Variants in CYP11A1 observed in about 807,000 individuals in gnomAD.
CYP11A1 encodes cholesterol side-chain cleavage enzyme, mitochondrial.
Under a neutral mutation model 51.9 loss-of-function variants are expected in CYP11A1, and 25 were observed. The ratio of observed to expected loss-of-function variants is 0.48; its 90% CI spans 0.35 to 0.67. The LOEUF (loss-of-function observed/expected upper bound fraction) is 0.67, where lower values mean the gene tolerates loss of function less well. Among genes scored for constraint, CYP11A1 ranks in the 30% least tolerant of loss-of-function variants. The probability of loss-of-function intolerance (pLI) is 0.00; values close to 1 mark genes in which losing one functional copy is unlikely to be tolerated. For synonymous variants in CYP11A1, 245 were observed against 262.1 expected (o/e 0.93, Z 0.63); for missense variants, 578 against 680.9 (o/e 0.85, Z 1.68).
At chr15:74,344,130 AAATT>A (rs1567052853) in intron 3 of CYP11A1, 138 bp from the exon 4 acceptor site, 5 of 710,226 alleles carry the variant, frequency 7.0e-6, no homozygotes, top group Admixed American at 4.8e-5. Flanking sequence ...TTCAGTAAAT[AAATT>A]GAGGCCTGAG....
chr15:74,339,287 T>G lies in CYP11A1; in HGVS notation c.1186A>C (p.Arg396=), dbSNP rs2060594804. Reference sequence around the variant, plus strand: ...AGAACCAAGTCATTTACAAGATATCTCTGCAGGGTCACGGAGATGGGGTGA... The same window carrying G: ...AGAACCAAGTCATTTACAAGATATCGCTGCAGGGTCACGGAGATGGGGTGA... ...RLHPISVTLQ[R]YLVNDLVLRD... Residue 396 remains arginine (R), a synonymous_variant, in exon 7 of 9, where the codon AGA becomes CGA. Transcript: ENST00000268053. The G allele has an allele frequency of 1.2e-6, 2 of 1,614,070 alleles. No homozygotes were observed. Among genetic ancestry groups the G allele is most frequent in the South Asian group, 2.2e-5 (2 of 91,090 alleles).
chr15:74,366,310 TTCGC>T, intron 1 of CYP11A1: 2 of 929,296 alleles, frequency 2.2e-6, no homozygotes, highest in Non-Finnish European at 1.3e-6. Context: ...GAGACAGAGT[TTCGC>T]TTTTGTTGCC....
At chr15:74,339,116 A>T (rs760913148) in intron 7 of CYP11A1, 121 bp downstream of exon 7, 8 of 842,216 alleles carry the variant, frequency 9.5e-6, no homozygotes, top group Non-Finnish European at 1.6e-5. Flanking sequence ...CCCTTCATTC[A>T]GACTTAGACT....
chr15:74,347,367 C>A (rs1334272297), intron 2 of CYP11A1, among the ~76,000 whole-genome samples: 1 of 152,116 alleles, frequency 6.6e-6, no homozygotes, highest in African/African-American at 2.4e-5. Flanking sequence ...ATGATCAAAC[C>A]ACTGCACTCC....
At position 74,339,571 on chromosome 15, in the gene CYP11A1, G is replaced by T. The variant is rs780648305; in HGVS notation, c.1157+16C>A. On this transcript the variant is annotated intron_variant, in intron 6 of 8. Transcript: ENST00000268053. ...GGGATTGGAGTTGGGGGCGGCATGGGTGGTTGTGGGCTTGCCTTAGTGTCT... is the reference window on the plus strand; with the variant it reads ...GGGATTGGAGTTGGGGGCGGCATGGTTGGTTGTGGGCTTGCCTTAGTGTCT... The T allele has an allele frequency of 4.4e-5, 71 of 1,610,882 alleles. No homozygotes were observed. The highest frequency in any genetic ancestry group is 5.9e-5 in the Non-Finnish European group (69 of 1,177,496).
In CYP11A1 at chr15:74,347,954, G is replaced by C; in HGVS notation, c.371C>G (p.Pro124Arg). ...ATACTGGTGATAGGCGACCCAGGGC[G>C]GGATGAGGAATCGTTCTGGGTTGGG... ...EGPNPERFLI[P>R]PWVAYHQYYQ... Residue 124 changes from proline to arginine, a missense_variant, in exon 2 of 9, where the codon CCG becomes CGG. Pro to Arg is a moderately radical substitution (Grantham distance 103). Transcript: ENST00000268053. 6 of 1,614,192 alleles carry C rather than the reference G, an allele frequency of 3.7e-6. No individual in the cohort carries two copies. The highest frequency in any genetic ancestry group is 5.1e-6 in the Non-Finnish European group (6 of 1,180,030).
At chr15:74,354,391 T>G (rs1419112855) in intron 1 of CYP11A1, 1 of 152,062 alleles carries the variant, frequency 6.6e-6, no homozygotes, top group African/African-American at 2.4e-5. Flanking sequence ...AATTTTCCAT[T>G]ACCTACCCAA....
rs767514927 is a variant in CYP11A1, at chr15:74,367,374, G to T, written c.212C>A (p.Thr71Lys). ...GACATGGTGAAGGTGGACTTTGTGT[G>T]TGCCCGTCTCCCTCCAGAAATGGTA... ...NLYHFWRETG[T>K]HKVHLHHVQN... Residue 71 changes from threonine to lysine, a missense_variant, in exon 1 of 9, where the codon ACA becomes AAA. Physicochemically the swap from Thr to Lys is moderately conservative, Grantham distance 78. Transcript: ENST00000268053. 2.5e-6 allele frequency: 4 copies of T among 1,614,180 alleles called. No homozygotes were observed. The Admixed American group carries it at 6.7e-5, about 27-fold the overall frequency.
At chr15:74,355,839 C>T (rs1268287805) in intron 1 of CYP11A1, among the ~76,000 whole-genome samples, 1 of 152,232 alleles carries the variant, frequency 6.6e-6, no homozygotes, top group African/African-American at 2.4e-5. Flanking sequence ...AAAAACCCAG[C>T]CCAGTTCATG....
rs936181378 is a variant in CYP11A1 at position 74,343,667 on chromosome 15, C to A, written c.829+122G>T. ...CCCAGGGCCTTCCTGACACCCACGC[C>A]TGCCCGCCACAGTGTGGGTTTCCTA... On this transcript the variant is annotated intron_variant, in intron 4 of 8. Transcript: ENST00000268053. The A allele has an allele frequency of 5.6e-6, 5 of 895,286 alleles. No individual in the cohort carries two copies. The Admixed American group carries it at 8.5e-5, about 15-fold the overall frequency. The allele number at this position is 895,286 out of a possible 1,614,324, so 55.5% of individuals were successfully genotyped here.
intron 1 of CYP11A1, chr15:74,350,159 C>CA: frequency 2.6e-6 from 1 of 377,792 alleles, no homozygotes; most frequent in South Asian, 2.1e-5. Context: ...GTAGTATATT[C>CA]ACATACCTCA....
chr15:74,342,884 T>C (rs1268386047), intron 5 of CYP11A1, 93 bp downstream of exon 5: 1 of 1,367,830 alleles, frequency 7.3e-7, no homozygotes, highest in Admixed American at 1.7e-5. Context: ...AGGAACGCCT[T>C]GAACAACAGG....
chr15:74,362,178 G>A, intron 1 of CYP11A1: 1 of 597,452 alleles, frequency 1.7e-6, no homozygotes, highest in Non-Finnish European at 3.0e-6. Flanking sequence ...ATGCCTAGCT[G>A]GACTGCAGAG....
intron 1 of CYP11A1, among the ~76,000 whole-genome samples, chr15:74,349,813 C>T (rs1044345960): frequency 6.6e-6 from 1 of 152,082 alleles, no homozygotes; most frequent in African/African-American, 2.4e-5. Context: ...GGCACAGTGG[C>T]TCACACCTGT....
chr15:74,337,928 C>G lies in CYP11A1; in HGVS notation c.*44G>C, dbSNP rs776969642. The G allele has an allele frequency of 6.2e-7, 1 of 1,612,392 alleles. No individual in the cohort carries two copies. Among genetic ancestry groups the G allele is most frequent in the Non-Finnish European group, 8.5e-7 (1 of 1,179,804 alleles). On this transcript the variant is annotated 3_prime_UTR_variant, in exon 9 of 9. Transcript: ENST00000268053. Reference sequence around the variant, plus strand: ...AGATGCAGAGACCCCATGGGCCCCACCCCTGGGCCTTCCTCCCATGTGGCT... The same window carrying G: ...AGATGCAGAGACCCCATGGGCCCCAGCCCTGGGCCTTCCTCCCATGTGGCT...
At chr15:74,338,320 C>A in intron 8 of CYP11A1, 1 of 710,458 alleles carries the variant, frequency 1.4e-6, no homozygotes, top group Non-Finnish European at 2.4e-6. Context: ...GTCTACAAAC[C>A]TCAGTCCTAT....
chr15:74,349,742 C>T (rs774364070), intron 1 of CYP11A1, among the ~76,000 whole-genome samples: 6 of 150,018 alleles, frequency 4.0e-5, no homozygotes, highest in African/African-American at 7.3e-5. Context: ...AAAGAACCCG[C>T]GAAAAAAAAA....
At chr15:74,339,426 C>G (rs940539396) in intron 6 of CYP11A1, 111 bp from the exon 7 acceptor site, 1 of 1,415,044 alleles carries the variant, frequency 7.1e-7, no homozygotes, top group Admixed American at 1.8e-5. Context: ...CTGGGGGGAC[C>G]TGGGGGTAGG....
At position 74,358,046 on chromosome 15, in the gene CYP11A1, G is replaced by T. The variant is rs145959739; in HGVS notation, c.269+9271C>A. On this transcript the variant is annotated intron_variant, in intron 1 of 8. Transcript: ENST00000268053. ...CCATATCCTGCACCACCATGCTGTTGTATGGGCTGAAAGAGGTCTCCTCAC... is the reference window on the plus strand; with the variant it reads ...CCATATCCTGCACCACCATGCTGTTTTATGGGCTGAAAGAGGTCTCCTCAC... 3.1e-3 allele frequency among the ~76,000 whole-genome samples: 479 copies of T among 152,300 alleles called. 3 individuals are homozygous for T. Among genetic ancestry groups the T allele is most frequent in the South Asian group, 0.026 (124 of 4,822 alleles).
Sources: allele counts gnomAD v4.1 joint callset (sites outside exome capture counted in the v4.1 genomes callset), GRCh38; gene constraint gnomAD v4.1.1; transcripts MANE v1.5; gene names NCBI Gene and HGNC (gene_info 2026-07-23, HGNC 2026-07-21).